Variants in TTC7B observed in about 807,000 individuals in gnomAD.
TTC7B encodes tetratricopeptide repeat protein 7B.
TTC7B carries 28 observed loss-of-function variants against 106.8 expected under a neutral mutation model. The ratio of observed to expected loss-of-function variants is 0.26; its 90% CI spans 0.19 to 0.36. The LOEUF is 0.36. Among genes scored for constraint, TTC7B ranks in the 10% least tolerant of loss-of-function variants. The pLI is 1.00. For synonymous variants in TTC7B, 405 were observed against 430.6 expected (o/e 0.94, Z 0.74); for missense variants, 862 against 1,076.4 (o/e 0.80, Z 2.79).
chr14:90,781,396 A>T (rs1456003458), intron 2 of TTC7B, among the ~76,000 whole-genome samples: 1 of 152,174 alleles, frequency 6.6e-6, no homozygotes, highest in African/African-American at 2.4e-5. Context: ...GAATATACTA[A>T]AAATCACTGA....
At chr14:90,617,131 G>C (rs769376273) in intron 16 of TTC7B, among the ~76,000 whole-genome samples, 1 of 152,182 alleles carries the variant, frequency 6.6e-6, no homozygotes, top group Non-Finnish European at 1.5e-5. Context: ...GGCAGGCACC[G>C]TTGACTCACT....
At chr14:90,554,129 G>A (rs942071985) in intron 19 of TTC7B, among the ~76,000 whole-genome samples, 1 of 152,208 alleles carries the variant, frequency 6.6e-6, no homozygotes, top group Non-Finnish European at 1.5e-5. Context: ...CATTGGTGCT[G>A]ACATATCCAC....
chr14:90,556,057 C>T (rs149539786), intron 19 of TTC7B, among the ~76,000 whole-genome samples: 14 of 152,364 alleles, frequency 9.2e-5, no homozygotes, highest in East Asian at 3.9e-4. Context: ...GCACCTCCGG[C>T]GCGCCGCGTG....
chr14:90,687,024 A>ATTTTTGTTTTTTTT, intron 7 of TTC7B, among the ~76,000 whole-genome samples: 1 of 151,266 alleles, frequency 6.6e-6, no homozygotes. Context: ...TGGACAAGCT[A>ATTTTTGTTTTTTTT]AAATTCATAT....
intron 1 of TTC7B, among the ~76,000 whole-genome samples, chr14:90,804,811 G>T (rs74085566): frequency 2.6e-5 from 4 of 152,246 alleles, no homozygotes; most frequent in Admixed American, 1.3e-4. Flanking sequence ...AAGGGCCAGG[G>T]GGGTAGTTCC....
chr14:90,656,522 T>G (rs1885954394), intron 11 of TTC7B, among the ~76,000 whole-genome samples: 1 of 152,186 alleles, frequency 6.6e-6, no homozygotes, highest in Admixed American at 6.5e-5. Flanking sequence ...GGAATAGAAA[T>G]GAAGACAGTT....
intron 15 of TTC7B, among the ~76,000 whole-genome samples, chr14:90,623,921 T>C (rs1473603918): frequency 6.6e-6 from 1 of 152,212 alleles, no homozygotes; most frequent in East Asian, 1.9e-4. Flanking sequence ...CTCAGGAGGC[T>C]GAGGCAGAAG....
At chr14:90,639,825 A>G (rs1238537407) in intron 15 of TTC7B, among the ~76,000 whole-genome samples, 1 of 152,234 alleles carries the variant, frequency 6.6e-6, no homozygotes, top group Non-Finnish European at 1.5e-5. Context: ...CACAATAAAT[A>G]CTATTCATTC....
chr14:90,651,987 G>C (rs1885738861), intron 13 of TTC7B, among the ~76,000 whole-genome samples: 1 of 152,190 alleles, frequency 6.6e-6, no homozygotes, highest in African/African-American at 2.4e-5. Flanking sequence ...TATTTAAAGT[G>C]ACAGGATCAA....
rs1410347376 is a variant in TTC7B, at chr14:90,531,414, A to G, written c.*9954T>C. On this transcript the variant is annotated 3_prime_UTR_variant, in exon 20 of 20. Coordinates refer to ENST00000328459, the MANE Select transcript of TTC7B (RefSeq NM_001010854.2). ...GTGAAACTCTGTCTCTACTAAGCAC[A>G]AAAAATCAAAAATACAAAACAAAAA... 6.6e-6 allele frequency: 1 copy of G among 151,994 alleles called. No individual in the cohort carries two copies. Among genetic ancestry groups the G allele is most frequent in the East Asian group, 1.9e-4 (1 of 5,182 alleles). The allele number at this position is 151,994 out of a possible 1,614,324, so 9.4% of individuals were successfully genotyped here.
At chr14:90,707,670 G>A (rs1888265054) in intron 5 of TTC7B, among the ~76,000 whole-genome samples, 1 of 152,180 alleles carries the variant, frequency 6.6e-6, no homozygotes, top group Non-Finnish European at 1.5e-5. Flanking sequence ...AGTCTGCATG[G>A]TCTGGATAGA....
chr14:90,677,840 GT>G (rs2139925567), intron 8 of TTC7B: 1 of 455,518 alleles, frequency 2.2e-6, no homozygotes, highest in African/African-American at 2.0e-5. Context: ...ACTCCTTGCT[GT>G]TAAATGTCAA....
intron 3 of TTC7B, among the ~76,000 whole-genome samples, chr14:90,770,796 A>C (rs1890839349): frequency 6.6e-6 from 1 of 152,264 alleles, no homozygotes; most frequent in Non-Finnish European, 1.5e-5. Context: ...TCCAGGACAG[A>C]CCATGTGTTA....
intron 6 of TTC7B, among the ~76,000 whole-genome samples, chr14:90,690,240 T>C (rs1370918526): frequency 6.6e-6 from 1 of 152,208 alleles, no homozygotes; most frequent in Non-Finnish European, 1.5e-5. Context: ...ACTCAGCACC[T>C]GAGTGTCTAC....
At position 90,805,792 on chromosome 14, in the gene TTC7B, G is replaced by A. The variant is rs74085568; in HGVS notation, c.121+10383C>T. Among the ~76,000 whole-genome samples, 1,712 of 152,206 alleles carry A rather than the reference G, an allele frequency of 0.011. 37 individuals carry two copies. The highest frequency in any genetic ancestry group is 0.039 in the African/African-American group (1,635 of 41,494). Reference sequence around the variant, plus strand: ...GAATTAGCCGCCCTGCAGGGGGTCCGTGCCCTGCCTCAGCTCATCAGAGTC... The same window carrying A: ...GAATTAGCCGCCCTGCAGGGGGTCCATGCCCTGCCTCAGCTCATCAGAGTC... On this transcript the variant is annotated intron_variant, in intron 1 of 19. Coordinates refer to ENST00000328459, the MANE Select transcript of TTC7B (RefSeq NM_001010854.2). The surrounding 1 kb of genome is among the most constrained non-coding windows in gnomAD (Gnocchi z 4.0).
intron 18 of TTC7B, among the ~76,000 whole-genome samples, chr14:90,579,607 G>A (rs1383417735): frequency 6.6e-6 from 1 of 152,146 alleles, no homozygotes; most frequent in African/African-American, 2.4e-5. Context: ...AAACCAGCCT[G>A]GCCAACATGG....
intron 4 of TTC7B, among the ~76,000 whole-genome samples, chr14:90,741,055 G>C (rs570484393): frequency 5.3e-4 from 81 of 152,270 alleles, no homozygotes; most frequent in Middle Eastern, 3.4e-3. Context: ...CAGAGAGGCT[G>C]AGCAACTGCC....
intron 3 of TTC7B, chr14:90,767,046 G>GAA (rs796741956): frequency 8.6e-5 from 60 of 694,222 alleles, no homozygotes; most frequent in African/African-American, 4.2e-4. Context: ...AAAAAAAAAA[G>GAA]AAAGAAAGGA....
intron 5 of TTC7B, among the ~76,000 whole-genome samples, chr14:90,717,326 G>T (rs1406001000): frequency 6.6e-6 from 1 of 151,080 alleles, no homozygotes. Context: ...GCAACAGAGA[G>T]GGACTCCATC....
Sources: allele counts gnomAD v4.1 joint callset (sites outside exome capture counted in the v4.1 genomes callset), GRCh38; gene constraint gnomAD v4.1.1; non-coding constraint Gnocchi (gnomAD v3.1); transcripts MANE v1.5; gene names NCBI Gene and HGNC (gene_info 2026-07-23, HGNC 2026-07-21).